The following SLCO5A1 variants were observed in gnomAD, a reference collection of about 807,000 sequenced individuals.
SLCO5A1 encodes the protein solute carrier organic anion transporter family member 5A1, also known as organic anion transporter polypeptide-related protein 4.
SLCO5A1 carries 39 observed loss-of-function variants against 65.1 expected under a neutral mutation model. The ratio of observed to expected loss-of-function variants is 0.60; its 90% CI spans 0.46 to 0.78. The LOEUF (loss-of-function observed/expected upper bound fraction) is 0.78, where lower values mean the gene tolerates loss of function less well. Ranked by LOEUF, SLCO5A1 falls within the 30% of genes least tolerant of loss-of-function variation. The pLI is 0.00. For missense variants in SLCO5A1, 1,029 were observed against 1,069.4 expected, an observed-to-expected ratio of 0.96 and a Z score of 0.53; for synonymous variants, 438 against 415.7, an observed-to-expected ratio of 1.05 and a Z score of -0.65.
intron 2 of SLCO5A1, among the ~76,000 whole-genome samples, chr8:69,804,707 A>C (rs1227308188): frequency 6.6e-6 from 1 of 152,142 alleles, no homozygotes; most frequent in African/African-American, 2.4e-5. Context: ...AAACAAAGGG[A>C]AGGTGATTGG....
At chr8:69,784,969 G>GA (rs1405242565) in intron 2 of SLCO5A1, among the ~76,000 whole-genome samples, 1 of 128,948 alleles carries the variant, frequency 7.8e-6, no homozygotes, top group Non-Finnish European at 1.7e-5. Flanking sequence ...AAGGAAGAAA[G>GA]AAAGAGAAAG....
At chr8:69,714,993 G>A (rs1815445112) in intron 5 of SLCO5A1, 2 of 152,260 alleles carry the variant, frequency 1.3e-5, no homozygotes, top group African/African-American at 4.8e-5. Flanking sequence ...TAAAGCTCTG[G>A]CTGAAATAAT....
chr8:69,756,895 C>T (rs545042228), intron 3 of SLCO5A1, among the ~76,000 whole-genome samples: 12 of 152,334 alleles, frequency 7.9e-5, no homozygotes, highest in Admixed American at 1.3e-4. Context: ...AGGGTAGCCA[C>T]GTTCTAACTA....
intron 6 of SLCO5A1, among the ~76,000 whole-genome samples, chr8:69,692,110 G>A (rs1285362043): frequency 1.3e-5 from 2 of 152,162 alleles, no homozygotes; most frequent in Non-Finnish European, 2.9e-5. Flanking sequence ...TTAGCTAGGT[G>A]TGGTGGCGGG....
chr8:69,830,860 T>C lies in SLCO5A1; in HGVS notation c.907+907A>G, dbSNP rs145995552. On this transcript the variant is annotated intron_variant, in intron 2 of 9. Transcript: ENST00000260126. Reference sequence around the variant, plus strand: ...GGATTCTTCTCCCAAGTTCATACAATTGAGGGTTTTTGACAGCAATAAAAA... The same window carrying C: ...GGATTCTTCTCCCAAGTTCATACAACTGAGGGTTTTTGACAGCAATAAAAA... Among the ~76,000 whole-genome samples the C allele has an allele frequency of 7.9e-5, 12 of 152,324 alleles. No homozygotes were observed. The East Asian group carries it at 2.3e-3, about 29-fold the overall frequency.
At chr8:69,682,762 A>G (rs1296853927) in intron 6 of SLCO5A1, among the ~76,000 whole-genome samples, 1 of 152,224 alleles carries the variant, frequency 6.6e-6, no homozygotes, top group Non-Finnish European at 1.5e-5. Flanking sequence ...AATCAATAAC[A>G]TCACTGTGAG....
chr8:69,780,633 A>T lies in SLCO5A1; in HGVS notation c.908-18758T>A, dbSNP rs138718121. 9.1e-3 allele frequency among the ~76,000 whole-genome samples: 1,380 copies of T among 152,322 alleles called. 59 individuals carry two copies. The highest frequency in any genetic ancestry group is 0.079 in the Admixed American group (1,205 of 15,296). On this transcript the variant is annotated intron_variant, in intron 2 of 9. Coordinates refer to ENST00000260126, the MANE Select transcript of SLCO5A1 (RefSeq NM_030958.3). ...ATGGATGTAGACTGTGGAATGATAG[A>T]ATATGGAGATTTGGAAGGGTAAGGG...
chr8:69,738,107 A>T lies in SLCO5A1; in HGVS notation c.1356T>A (p.Ile452=). 6.2e-7 allele frequency: 1 copy of T among 1,613,994 alleles called. No individual in the cohort carries two copies. The highest frequency in any genetic ancestry group is 8.5e-7 in the Non-Finnish European group (1 of 1,179,890). The part of the protein sequence containing the change: ...TAESAIVTAF[I]TFIPKFIESQ... ...ACTCGATGAACTTGGGAATGAAGGT[A>T]ATGAAAGCAGTTACAATGGCACTCT... The change falls in exon 5 of 10, where the codon ATT becomes ATA. Residue 452 remains isoleucine (I), a synonymous_variant. Transcript: ENST00000260126.
chr8:69,785,289 C>A (rs886120677), intron 2 of SLCO5A1, among the ~76,000 whole-genome samples: 3 of 152,130 alleles, frequency 2.0e-5, no homozygotes, highest in Non-Finnish European at 4.4e-5. Context: ...GAAACATTAT[C>A]ATGATAGTAG....
intron 2 of SLCO5A1, among the ~76,000 whole-genome samples, chr8:69,818,626 G>C (rs558360932): frequency 6.6e-6 from 1 of 152,184 alleles, no homozygotes; most frequent in Non-Finnish European, 1.5e-5. Context: ...AAATCAATAT[G>C]CACCCACTGT....
intron 2 of SLCO5A1, 121 bp from the exon 3 acceptor site, chr8:69,761,996 G>C: frequency 8.7e-7 from 1 of 1,154,774 alleles, no homozygotes; most frequent in South Asian, 1.6e-5. Flanking sequence ...TTCCAAAAAC[G>C]GAGACCTTTG....
At chr8:69,728,300 A>G (rs1816179807) in intron 5 of SLCO5A1, among the ~76,000 whole-genome samples, 1 of 152,200 alleles carries the variant, frequency 6.6e-6, no homozygotes, top group Non-Finnish European at 1.5e-5. Context: ...GGCTTCCTAT[A>G]GAGAGAGGAA....
At position 69,832,100 on chromosome 8, in the gene SLCO5A1, C is replaced by A. The variant is rs753064816; in HGVS notation, c.574G>T (p.Gly192Cys). The A allele has an allele frequency of 6.2e-7, 1 of 1,614,012 alleles. No individual in the cohort carries two copies. The highest frequency in any genetic ancestry group is 8.5e-7 in the Non-Finnish European group (1 of 1,180,020). Reference protein sequence around the residue: ...VVFVSYFGGRGRRPLWLAVGG... With the variant: ...VVFVSYFGGRCRRPLWLAVGG... ...ACGGCCAGCCACAGGGGCCGCCGAC[C>A]CCGGCCGCCGAAGTAGCTGACGAAC... The change falls in exon 2 of 10, where the codon GGT (glycine) becomes TGT (cysteine). Residue 192 changes from glycine (G) to cysteine (C), a missense_variant. Transcript: ENST00000260126. This position sits in a 1 kb window ranked among gnomAD's most constrained non-coding sequence, Gnocchi z 4.5.
Position 69,705,242 on chromosome 8 carries a change from G to A in SLCO5A1, c.1424-13C>T, listed in dbSNP as rs1814918654. ...ACGATAATAACCCCTGGGGAGAAGA[G>A]AAGGAGAGGATTAATTTGAACTCAT... On this transcript the variant is annotated splice_polypyrimidine_tract_variant and intron_variant, in intron 5 of 9. Transcript: ENST00000260126. 6.2e-7 allele frequency: 1 copy of A among 1,611,076 alleles called. No homozygotes were observed. Among genetic ancestry groups the A allele is most frequent in the African/African-American group, 1.3e-5 (1 of 74,922 alleles).
chr8:69,756,149 C>T (rs746151070), intron 3 of SLCO5A1, among the ~76,000 whole-genome samples: 1 of 152,134 alleles, frequency 6.6e-6, no homozygotes, highest in Non-Finnish European at 1.5e-5. Flanking sequence ...CCCAGCTGGG[C>T]GCGGTGACTC....
chr8:69,706,470 T>A (rs1157172799), intron 5 of SLCO5A1, among the ~76,000 whole-genome samples: 1 of 152,152 alleles, frequency 6.6e-6, no homozygotes, highest in African/African-American at 2.4e-5. Context: ...CCCAGAGTGA[T>A]TAGGAGGTGG....
chr8:69,708,238 T>C (rs11987225), intron 5 of SLCO5A1, among the ~76,000 whole-genome samples: 1 of 152,130 alleles, frequency 6.6e-6, no homozygotes, highest in Non-Finnish European at 1.5e-5. Context: ...CCTCACTCCA[T>C]CTTTTGTAGC....
chr8:69,759,900 C>A (rs1202853415), intron 3 of SLCO5A1, among the ~76,000 whole-genome samples: 1 of 152,218 alleles, frequency 6.6e-6, no homozygotes, highest in Non-Finnish European at 1.5e-5. Context: ...CCACCTGCCT[C>A]AGCCTCCCAA....
intron 2 of SLCO5A1, chr8:69,772,821 A>T: frequency 1.9e-6 from 1 of 526,298 alleles, no homozygotes; most frequent in Non-Finnish European, 2.4e-6. Context: ...CCACTCATCC[A>T]TGCACTCTGT....
Sources: gnomAD v4.1 joint callset for allele counts (sites outside exome capture counted in the v4.1 genomes callset) on GRCh38, gnomAD v4.1.1 for gene constraint, Gnocchi (gnomAD v3.1) non-coding constraint, MANE v1.5 for transcripts, NCBI Gene and HGNC (gene_info 2026-07-23, HGNC 2026-07-21) for gene names.